Variants in PRKG1 observed in about 807,000 individuals in gnomAD.
The protein encoded by PRKG1 is protein kinase cGMP-dependent 1, also known as cGMP-dependent protein kinase 1.
Under a neutral mutation model 88.1 loss-of-function variants are expected in PRKG1, and 35 were observed. The ratio of observed to expected loss-of-function variants is 0.40; its 90% confidence interval spans 0.30 to 0.53. The LOEUF is 0.53. PRKG1 is among the 20% of genes least tolerant of loss of function. The pLI is 0.59. For missense variants in PRKG1, 540 were observed against 839.8 expected (o/e 0.64, Z 4.41); for synonymous variants, 303 against 292.5 (o/e 1.04, Z -0.37).
chr10:52,071,047 G>C (rs1846483452), intron 7 of PRKG1, among the ~76,000 whole-genome samples: 1 of 152,162 alleles, frequency 6.6e-6, no homozygotes, highest in African/African-American at 2.4e-5. Flanking sequence ...ATGCATGTTA[G>C]AATAATGTCT....
intron 2 of PRKG1, among the ~76,000 whole-genome samples, chr10:51,433,075 C>T (rs559986365): frequency 1.3e-5 from 2 of 152,038 alleles, no homozygotes; most frequent in Non-Finnish European, 2.9e-5. Flanking sequence ...ACATAGCACG[C>T]AGTGGATTCT....
At chr10:51,840,744 C>T (rs1840254567) in intron 4 of PRKG1, among the ~76,000 whole-genome samples, 2 of 152,122 alleles carry the variant, frequency 1.3e-5, no homozygotes, top group African/African-American at 2.4e-5. Flanking sequence ...CGGGGTTTTG[C>T]CATGTTGGCC....
At chr10:51,928,149 G>T (rs1209052404) in intron 5 of PRKG1, among the ~76,000 whole-genome samples, 1 of 152,134 alleles carries the variant, frequency 6.6e-6, no homozygotes, top group Non-Finnish European at 1.5e-5. Context: ...TTCTTAAAAA[G>T]CTCAAGGGCC....
At chr10:51,919,068 G>T (rs1467330564) in intron 5 of PRKG1, among the ~76,000 whole-genome samples, 2 of 152,138 alleles carry the variant, frequency 1.3e-5, no homozygotes, top group Non-Finnish European at 2.9e-5. Context: ...ACGTGGTGCA[G>T]GAGATAATGT....
chr10:51,163,694 AT>A (rs1293689138), intron 2 of PRKG1, among the ~76,000 whole-genome samples: 2 of 152,192 alleles, frequency 1.3e-5, no homozygotes, highest in Non-Finnish European at 2.9e-5. Context: ...TCCCACCCTA[AT>A]ACTGCGCTTT....
chr10:51,609,963 C>T (rs1395158440), intron 3 of PRKG1, among the ~76,000 whole-genome samples: 1 of 152,060 alleles, frequency 6.6e-6, no homozygotes, highest in Non-Finnish European at 1.5e-5. Flanking sequence ...GTAACCTGCA[C>T]ATCCTGCACA....
intron 2 of PRKG1, among the ~76,000 whole-genome samples, chr10:51,243,792 G>C (rs1839216264): frequency 6.6e-6 from 1 of 152,250 alleles, no homozygotes; most frequent in Non-Finnish European, 1.5e-5. Context: ...GATATCAGTA[G>C]ATATACTCCT....
rs183033921 is a variant in PRKG1 at position 51,045,479 on chromosome 10, C to T, written c.266+53835C>T. ...CTGGGACTACAGGCATGTGCCACCA[C>T]ACCCAGCTAATTCTTTTTGTATTTT... is the stretch of plus-strand genomic sequence containing the variant. On this transcript the variant is annotated intron_variant, in intron 1 of 17. Coordinates refer to the PRKG1 transcript ENST00000401604. 1.2e-3 allele frequency among the ~76,000 whole-genome samples: 189 copies of T among 152,210 alleles called. 3 individuals carry two copies. The highest frequency in any genetic ancestry group is 7.2e-4 in the Non-Finnish European group (49 of 68,010).
intron 7 of PRKG1, among the ~76,000 whole-genome samples, chr10:52,094,140 A>G (rs572193494): frequency 6.6e-6 from 1 of 152,284 alleles, no homozygotes; most frequent in Admixed American, 6.5e-5. Context: ...TAATGAAAGA[A>G]CTGTCTTGAA....
At chr10:51,139,360 T>C (rs1845770691) in intron 1 of PRKG1, among the ~76,000 whole-genome samples, 1 of 152,204 alleles carries the variant, frequency 6.6e-6, no homozygotes, top group Non-Finnish European at 1.5e-5. Flanking sequence ...AAAGTAATCA[T>C]AGTAGAAAAT....
chr10:51,397,083 T>G (rs546104656), intron 2 of PRKG1, among the ~76,000 whole-genome samples: 1 of 152,178 alleles, frequency 6.6e-6, no homozygotes, highest in South Asian at 2.1e-4. Context: ...CTGTTTTGAT[T>G]TTTTTTAAAT....
chr10:51,114,507 G>C (rs1589162724), intron 1 of PRKG1, among the ~76,000 whole-genome samples: 2 of 151,928 alleles, frequency 1.3e-5, no homozygotes, highest in Non-Finnish European at 2.9e-5. Flanking sequence ...GGGGGACAAG[G>C]TGGGAAGGGG....
intron 3 of PRKG1, among the ~76,000 whole-genome samples, chr10:51,530,886 T>C (rs1842000823): frequency 6.6e-6 from 1 of 152,170 alleles, no homozygotes; most frequent in African/African-American, 2.4e-5. Context: ...ACCAGTTCTG[T>C]AAGTGCTCTA....
intron 2 of PRKG1, among the ~76,000 whole-genome samples, chr10:51,273,497 C>T (rs937540678): frequency 6.6e-6 from 1 of 152,100 alleles, no homozygotes; most frequent in Non-Finnish European, 1.5e-5. Context: ...GGGTTCCCAC[C>T]TGGGTGACAG....
At chr10:52,039,975 A>G (rs977540138) in intron 5 of PRKG1, among the ~76,000 whole-genome samples, 7 of 152,146 alleles carry the variant, frequency 4.6e-5, no homozygotes, top group African/African-American at 1.7e-4. Context: ...AAGCCTAGAC[A>G]GAAACAAAAA....
At chr10:51,404,287 A>C (rs1311494790) in intron 2 of PRKG1, among the ~76,000 whole-genome samples, 3 of 152,274 alleles carry the variant, frequency 2.0e-5, no homozygotes, top group Non-Finnish European at 2.9e-5. Flanking sequence ...AACAAATGCG[A>C]ATACTTTGTG....
In PRKG1 at chr10:52,238,373, G is replaced by A. The variant is rs1448352203; in HGVS notation, c.1077-13197G>A. On this transcript the variant is annotated intron_variant, in intron 9 of 17. Transcript: ENST00000373980. Reference sequence around the variant, plus strand: ...CACAGCAAAAGAAACTACCATCAGAGTGAACAGGCAACCTACAAAATGGGA... The same window carrying A: ...CACAGCAAAAGAAACTACCATCAGAATGAACAGGCAACCTACAAAATGGGA... Among the ~76,000 whole-genome samples, 53 of 144,750 alleles carry A rather than the reference G, an allele frequency of 3.7e-4. No homozygotes were observed. In the South Asian group the frequency reaches 0.011, roughly 31 times the overall value. The allele number at this position is 144,750 out of a possible 152,430, so 95.0% of individuals were successfully genotyped here.
intron 4 of PRKG1, among the ~76,000 whole-genome samples, chr10:51,806,086 G>C (rs997152950): frequency 2.0e-5 from 3 of 152,064 alleles, no homozygotes; most frequent in African/African-American, 7.2e-5. Context: ...ATGAAAGATA[G>C]AGACAGAGAG....
intron 1 of PRKG1, among the ~76,000 whole-genome samples, chr10:51,006,645 C>T (rs1349292670): frequency 6.6e-6 from 1 of 152,284 alleles, no homozygotes; most frequent in East Asian, 1.9e-4. Context: ...ATATTTAGGA[C>T]TTATTTTCCT....
Sources: gnomAD v4.1 joint callset for allele counts (sites outside exome capture counted in the v4.1 genomes callset) on GRCh38, gnomAD v4.1.1 for gene constraint, MANE v1.5 for transcripts, NCBI Gene and HGNC (gene_info 2026-07-23, HGNC 2026-07-21) for gene names.